Variants in POLA1 observed in about 807,000 individuals in gnomAD.
The protein encoded by POLA1 is DNA polymerase alpha catalytic subunit.
Under a neutral mutation model 124.0 loss-of-function variants are expected in POLA1, and 15 were observed. The observed-to-expected ratio is 0.12, with a 90% CI of 0.08 to 0.19. The LOEUF (loss-of-function observed/expected upper bound fraction) is 0.19, where lower values mean the gene tolerates loss of function less well. POLA1 is among the 10% of genes least tolerant of loss of function. The pLI is 1.00. For missense variants in POLA1, 886 were observed against 1,103.4 expected (o/e 0.80, Z 2.79); for synonymous variants, 408 against 389.4 (o/e 1.05, Z -0.56).
intron 29 of POLA1, 77 bp from the exon 30 acceptor site, chrX:24,814,902 C>T: frequency 1.1e-6 from 1 of 912,595 alleles, no homozygotes; most frequent in Non-Finnish European, 1.5e-6. Context: ...ATTTCTCTTC[C>T]TTCTTCTCCT....
At chrX:24,815,232 C>A in intron 30 of POLA1, 121 bp downstream of exon 30, 1 of 639,095 alleles carries the variant, frequency 1.6e-6, no homozygotes, top group Non-Finnish European at 2.4e-6. Context: ...ATGAAAGCTG[C>A]TTAACAACTA....
chrX:24,801,574 T>C (rs2045704336), intron 26 of POLA1, among the ~76,000 whole-genome samples: 1 of 111,163 alleles, frequency 9.0e-6, no homozygotes. Flanking sequence ...GGATATTCAT[T>C]AATATCATTC....
At chrX:24,725,836 A>T in intron 12 of POLA1, 145 bp from the exon 13 acceptor site, 4 of 413,016 alleles carry the variant, frequency 9.7e-6, no homozygotes, top group Non-Finnish European at 1.7e-5. Flanking sequence ...TTCCAATTGA[A>T]AGAGGAAAGG....
At chrX:24,890,712 A>G (rs773170591) in intron 35 of POLA1, among the ~76,000 whole-genome samples, 1 of 112,581 alleles carries the variant, frequency 8.9e-6, no homozygotes, top group South Asian at 3.7e-4. Context: ...AACTAATTTG[A>G]TCAGCATAAA....
At chrX:24,863,266 C>A (rs778117592) in intron 34 of POLA1, among the ~76,000 whole-genome samples, 2 of 107,817 alleles carry the variant, frequency 1.9e-5, no homozygotes, top group East Asian at 5.9e-4. Flanking sequence ...ATGCCCCCCC[C>A]CATCTTCCAC....
chrX:24,841,897 A>AG, intron 33 of POLA1, 67 bp downstream of exon 33: 1 of 776,958 alleles, frequency 1.3e-6, no homozygotes, highest in Non-Finnish European at 1.9e-6. Context: ...TTCCCCCACT[A>AG]TGGGGTATAT....
intron 34 of POLA1, among the ~76,000 whole-genome samples, chrX:24,878,068 T>G (rs1397208127): frequency 9.0e-6 from 1 of 110,803 alleles, no homozygotes; most frequent in East Asian, 2.8e-4. Flanking sequence ...CTCAGCCAGA[T>G]CTCTTGTCTA....
chrX:24,742,251 C>A, intron 22 of POLA1, 130 bp downstream of exon 22: 2 of 545,215 alleles, frequency 3.7e-6, no homozygotes, highest in Non-Finnish European at 5.6e-6. Context: ...CTAAAGAAAC[C>A]GTGTCAAGTT....
intron 34 of POLA1, among the ~76,000 whole-genome samples, chrX:24,877,853 C>G (rs1286917808): frequency 2.7e-5 from 3 of 110,548 alleles, no homozygotes; most frequent in Non-Finnish European, 5.7e-5. Context: ...TGGATTTCTT[C>G]TCTTCTGAAT....
chrX:24,865,629 A>G (rs1347754257), intron 34 of POLA1, among the ~76,000 whole-genome samples: 1 of 111,724 alleles, frequency 9.0e-6, no homozygotes, highest in Non-Finnish European at 1.9e-5. Flanking sequence ...TATAAAAACT[A>G]CGGAATGGAG....
intron 16 of POLA1, among the ~76,000 whole-genome samples, chrX:24,733,511 A>G (rs1931067432): frequency 8.9e-6 from 1 of 112,031 alleles, no homozygotes; most frequent in Non-Finnish European, 1.9e-5. Context: ...TTCTGGCTTC[A>G]GTGGATAGAT....
chrX:24,869,360 C>T (rs1179925418), intron 34 of POLA1, among the ~76,000 whole-genome samples: 8 of 112,445 alleles, frequency 7.1e-5, no homozygotes, highest in Non-Finnish European at 1.5e-4. Context: ...GGAACACACC[C>T]AAAGGCTGAT....
chrX:24,812,435 T>C (rs1270071530), intron 28 of POLA1, among the ~76,000 whole-genome samples: 1 of 111,562 alleles, frequency 9.0e-6, no homozygotes, highest in Non-Finnish European at 1.9e-5. Flanking sequence ...GATCTATTAT[T>C]GTCTCTCTCT....
rs753990542 is a variant in POLA1 at position 24,741,144 on chromosome X, TGTGC to T, written c.2217-229_2217-226del. On this transcript the variant is annotated intron_variant, in intron 20 of 36. Transcript: ENST00000379068. The stretch of plus-strand genomic sequence containing the variant: ...GTGTGTGTGTGTGTGTGTGTGTGTG[TGTGC>T]GCGCGTGTGTGTGTGTGTGTGTTTT... Among the ~76,000 whole-genome samples the T allele has an allele frequency of 9.9e-3, 838 of 84,345 alleles. 6 individuals carry two copies. Among genetic ancestry groups the T allele is most frequent in the Middle Eastern group, 0.042 (7 of 168 alleles). 73.2% of individuals were successfully genotyped at this position (84,345 alleles called of 115,157 possible).
chrX:24,816,603 T>G (rs1363492739), intron 30 of POLA1, among the ~76,000 whole-genome samples: 2 of 112,019 alleles, frequency 1.8e-5, no homozygotes, highest in African/African-American at 6.5e-5. Flanking sequence ...TCTCAAAAAT[T>G]TATATGAGTA....
In POLA1 at chrX:24,743,344, T is replaced by G; in HGVS notation, c.2566+15T>G. On this transcript the variant is annotated intron_variant, in intron 23 of 36. Transcript: ENST00000379068. ...CCCCAAAGTTGGTAAGGCTGGGCAG[T>G]GAATTGGTTTTCTCCCAGTATTAAG... 1.1e-6 allele frequency: 1 copy of G among 916,782 alleles called. No homozygotes were observed. The highest frequency in any genetic ancestry group is 1.6e-6 in the Non-Finnish European group (1 of 639,335). The allele number at this position is 916,782 out of a possible 1,213,427, so 75.6% of individuals were successfully genotyped here.
rs765618479 is a variant in POLA1 at position 24,946,683 on chromosome X, T to C, written c.4261+16134T>C. ...GATCTCTTTGTCCTCTAAACTCCTGTAGTTCTTAAGCACTGTCCCTCTTAC... is the reference window on the plus strand; with the variant it reads ...GATCTCTTTGTCCTCTAAACTCCTGCAGTTCTTAAGCACTGTCCCTCTTAC... On this transcript the variant is annotated intron_variant, in intron 36 of 36. Transcript: ENST00000379068. 8.8e-4 allele frequency among the ~76,000 whole-genome samples: 99 copies of C among 111,938 alleles called. 1 individual carries two copies. The highest frequency in any genetic ancestry group is 1.4e-3 in the Non-Finnish European group (75 of 53,184).
At chrX:24,945,253 A>G (rs761077172) in intron 36 of POLA1, among the ~76,000 whole-genome samples, 7 of 112,798 alleles carry the variant, frequency 6.2e-5, no homozygotes, top group Non-Finnish European at 1.1e-4. Flanking sequence ...TGGTTTTATT[A>G]CTTCTGAGAA....
intron 36 of POLA1, among the ~76,000 whole-genome samples, chrX:24,970,779 T>A (rs2048293138): frequency 8.9e-6 from 1 of 111,956 alleles, no homozygotes. Context: ...CATTTCGAGA[T>A]TTTTAATTTA....
Sources: allele counts gnomAD v4.1 joint callset (sites outside exome capture counted in the v4.1 genomes callset), GRCh38; gene constraint gnomAD v4.1.1; transcripts MANE v1.5; gene names NCBI Gene and HGNC (gene_info 2026-07-23, HGNC 2026-07-21).